SLC24A3: variants seen among roughly 807,000 people sequenced by gnomAD.
SLC24A3 encodes the protein solute carrier family 24 member 3, also known as sodium/potassium/calcium exchanger 3.
SLC24A3 carries 28 observed loss-of-function variants against 75.8 expected under a neutral mutation model. That is an observed-to-expected ratio of 0.37 (90% confidence interval 0.27 to 0.51). The LOEUF is 0.51. Ranked by LOEUF, SLC24A3 falls within the 20% of genes least tolerant of loss-of-function variation. SLC24A3 has a pLI of 0.94. For missense variants in SLC24A3, 663 were observed against 847.8 expected (o/e 0.78, Z 2.71); for synonymous variants, 372 against 334.1 (o/e 1.11, Z -1.24).
chr20:19,625,099 G>A (rs929098354), intron 6 of SLC24A3, among the ~76,000 whole-genome samples: 1 of 152,098 alleles, frequency 6.6e-6, no homozygotes, highest in Admixed American at 6.6e-5. Context: ...AAGAGTGGAT[G>A]CTCAAGCCCT....
intron 1 of SLC24A3, among the ~76,000 whole-genome samples, chr20:19,240,855 A>G (rs943525477): frequency 6.6e-6 from 1 of 152,284 alleles, no homozygotes; most frequent in Middle Eastern, 3.4e-3. Context: ...GGGCAGGGGA[A>G]ATGTGTGACT....
intron 2 of SLC24A3, among the ~76,000 whole-genome samples, chr20:19,460,089 A>C (rs1369455670): frequency 2.0e-5 from 3 of 152,160 alleles, no homozygotes; most frequent in South Asian, 4.1e-4. Flanking sequence ...CATCCAGGCC[A>C]CAAAATTTAG....
chr20:19,488,378 A>T (rs1988158692), intron 2 of SLC24A3, among the ~76,000 whole-genome samples: 1 of 152,208 alleles, frequency 6.6e-6, no homozygotes, highest in South Asian at 2.1e-4. Flanking sequence ...GGAATCCTTT[A>T]TACTGGAAAA....
chr20:19,517,289 T>C (rs2030014172), intron 3 of SLC24A3, among the ~76,000 whole-genome samples: 1 of 152,140 alleles, frequency 6.6e-6, no homozygotes, highest in Non-Finnish European at 1.5e-5. Flanking sequence ...AGATTTCCAC[T>C]CTGGACCCAA....
intron 6 of SLC24A3, among the ~76,000 whole-genome samples, chr20:19,653,164 A>G (rs1343151494): frequency 6.6e-6 from 1 of 152,220 alleles, no homozygotes; most frequent in African/African-American, 2.4e-5. Flanking sequence ...AGAAGCCTCA[A>G]CCTGACACCC....
chr20:19,323,946 T>A (rs572496977), intron 2 of SLC24A3, among the ~76,000 whole-genome samples: 1 of 152,304 alleles, frequency 6.6e-6, no homozygotes, highest in East Asian at 1.9e-4. Flanking sequence ...TTAAGAATAT[T>A]TGCTTTCTAG....
At chr20:19,636,156 A>AAAGG (rs2032000624) in intron 6 of SLC24A3, among the ~76,000 whole-genome samples, 1 of 152,228 alleles carries the variant, frequency 6.6e-6, no homozygotes, top group Non-Finnish European at 1.5e-5. Flanking sequence ...AGAAAGAAAG[A>AAAGG]AAGAAAGAAA....
At chr20:19,265,434 G>A (rs1013336749) in intron 1 of SLC24A3, among the ~76,000 whole-genome samples, 4 of 152,220 alleles carry the variant, frequency 2.6e-5, no homozygotes, top group African/African-American at 4.8e-5. Context: ...AGTGCACTAC[G>A]ATGGACACAG....
intron 3 of SLC24A3, among the ~76,000 whole-genome samples, chr20:19,567,298 T>C (rs2030974164): frequency 6.6e-6 from 1 of 152,212 alleles, no homozygotes; most frequent in Admixed American, 6.5e-5. Context: ...GTAGACTGGA[T>C]TTTTTAAAAT....
chr20:19,427,332 T>C (rs1987027083), intron 2 of SLC24A3, among the ~76,000 whole-genome samples: 1 of 152,098 alleles, frequency 6.6e-6, no homozygotes, highest in South Asian at 2.1e-4. Flanking sequence ...ACAGGGAAAA[T>C]GGTGCATCTG....
chr20:19,437,278 T>C (rs1432922018), intron 2 of SLC24A3, among the ~76,000 whole-genome samples: 2 of 152,134 alleles, frequency 1.3e-5, no homozygotes, highest in African/African-American at 4.8e-5. Context: ...GGGGCAGTTT[T>C]CCCCATGCTG....
At chr20:19,300,513 C>A (rs889293151) in intron 2 of SLC24A3, among the ~76,000 whole-genome samples, 1 of 152,172 alleles carries the variant, frequency 6.6e-6, no homozygotes, top group African/African-American at 2.4e-5. Flanking sequence ...AACCAGGAGA[C>A]GTAATGACAA....
chr20:19,259,196 C>T (rs1982907733), intron 1 of SLC24A3, among the ~76,000 whole-genome samples: 1 of 152,182 alleles, frequency 6.6e-6, no homozygotes, highest in South Asian at 2.1e-4. Flanking sequence ...AGATAAGTCA[C>T]ACTGCAGGTC....
At chr20:19,677,491 G>A (rs1303303875) in intron 9 of SLC24A3, among the ~76,000 whole-genome samples, 1 of 151,752 alleles carries the variant, frequency 6.6e-6, no homozygotes, top group East Asian at 1.9e-4. Flanking sequence ...AGAATAGTAC[G>A]ATGAACCCCA....
chr20:19,243,098 T>C (rs1200668823), intron 1 of SLC24A3, among the ~76,000 whole-genome samples: 1 of 152,226 alleles, frequency 6.6e-6, no homozygotes, highest in Non-Finnish European at 1.5e-5. Context: ...GTTTTTATGA[T>C]ATTAAATTTT....
At chr20:19,567,949 A>G (rs2030986969) in intron 3 of SLC24A3, among the ~76,000 whole-genome samples, 1 of 152,156 alleles carries the variant, frequency 6.6e-6, no homozygotes, top group Admixed American at 6.5e-5. Flanking sequence ...AAAAACAAAC[A>G]GCTTGATTTC....
At chr20:19,232,535 T>G (rs918287112) in intron 1 of SLC24A3, among the ~76,000 whole-genome samples, 1 of 152,072 alleles carries the variant, frequency 6.6e-6, no homozygotes, top group African/African-American at 2.4e-5. Flanking sequence ...AATATTATAG[T>G]TTATTTGAGA....
chr20:19,412,569 G>A (rs1986763387), intron 2 of SLC24A3, among the ~76,000 whole-genome samples: 1 of 151,222 alleles, frequency 6.6e-6, no homozygotes, highest in Admixed American at 6.6e-5. Flanking sequence ...GGAGGGACAG[G>A]ACGAGGAGAA....
chr20:19,474,577 T>A (rs1205240041), intron 2 of SLC24A3, among the ~76,000 whole-genome samples: 1 of 152,172 alleles, frequency 6.6e-6, no homozygotes, highest in Non-Finnish European at 1.5e-5. Context: ...AAACACTATG[T>A]GAAAGAAAAA....
Sources: allele counts gnomAD v4.1 joint callset (sites outside exome capture counted in the v4.1 genomes callset), GRCh38; gene constraint gnomAD v4.1.1; transcripts MANE v1.5; gene names NCBI Gene and HGNC (gene_info 2026-07-23, HGNC 2026-07-21).